Variants in SWT1 observed in about 807,000 individuals in gnomAD.
SWT1 encodes the protein SWT1 RNA endoribonuclease homolog, also known as transcriptional protein SWT1.
Under a neutral mutation model 107.3 loss-of-function variants are expected in SWT1, and 33 were observed. That is an observed-to-expected ratio of 0.31 (90% confidence interval 0.23 to 0.41). SWT1 has a LOEUF of 0.41. Ranked by LOEUF, SWT1 falls within the 10% of genes least tolerant of loss-of-function variation. SWT1 has a pLI of 1.00. For missense variants in SWT1, 898 were observed against 1,028.9 expected (o/e 0.87, Z 1.74); for synonymous variants, 345 against 348.3 (o/e 0.99, Z 0.11).
chr1:185,237,200 G>T (rs746891860), intron 16 of SWT1, among the ~76,000 whole-genome samples: 37 of 151,972 alleles, frequency 2.4e-4, no homozygotes, highest in Admixed American at 7.2e-4. Context: ...CCCGTTCCTG[G>T]GTATATATCC....
chr1:185,288,636 G>GCTAGTGGTTCTCTCCAACACCATGAATA, intron 18 of SWT1, among the ~76,000 whole-genome samples: 1 of 152,222 alleles, frequency 6.6e-6, no homozygotes, highest in East Asian at 1.9e-4. Context: ...AGCCAAGGAA[G>GCTAGTGGTTCTCTCCAACACCATGAATA]TAATGACAGT....
chr1:185,275,485 T>G (rs890126213), intron 17 of SWT1, among the ~76,000 whole-genome samples: 3 of 149,094 alleles, frequency 2.0e-5, no homozygotes, highest in Non-Finnish European at 3.0e-5. Flanking sequence ...ATACTAATTT[T>G]AAGCAATATA....
At chr1:185,157,463 G>T (rs1653697865) in intron 1 of SWT1, 149 bp downstream of exon 1, 1 of 152,672 alleles carries the variant, frequency 6.5e-6, no homozygotes, top group Non-Finnish European at 1.5e-5. Context: ...CGGGTCCGGG[G>T]ACGAGCCAGC....
Position 185,254,946 on chromosome 1 carries a change from G to T in SWT1, c.2442-16377G>T, listed in dbSNP as rs906172107. ...CTATAAAATTCCCTCTACACACTGC[G>T]TTGAATGCGTCCCAGAGATTCTGGT... On this transcript the variant is annotated intron_variant, in intron 16 of 18. Transcript: ENST00000367500. 2.1e-3 allele frequency among the ~76,000 whole-genome samples: 315 copies of T among 152,088 alleles called. 2 individuals are homozygous for T. The highest frequency in any genetic ancestry group is 7.3e-3 in the African/African-American group (301 of 41,504).
At chr1:185,157,637 C>T (rs1653731279) in intron 1 of SWT1, 3 of 152,340 alleles carry the variant, frequency 2.0e-5, no homozygotes, top group East Asian at 1.9e-4. Context: ...GTCTGTTCTT[C>T]ATTTCGCACC....
At chr1:185,226,732 C>CTTT (rs35307844) in intron 15 of SWT1, 17 of 377,228 alleles carry the variant, frequency 4.5e-5, no homozygotes, top group South Asian at 1.9e-4. Flanking sequence ...GCTTCTGAGA[C>CTTT]TTTTTTTTTT....
At chr1:185,269,146 C>T (rs1663646558) in intron 16 of SWT1, among the ~76,000 whole-genome samples, 1 of 152,188 alleles carries the variant, frequency 6.6e-6, no homozygotes, top group African/African-American at 2.4e-5. Context: ...GCCACCGCGC[C>T]TGGCCTGATA....
chr1:185,233,735 T>TTTTA lies in SWT1; in HGVS notation c.2441+2047_2441+2050dup, dbSNP rs543564747. ...GTTTTACTTCGAATTATGTGGTCAA[T>TTTTA]TTTATTTATTTATTTATTTATTTTT... On this transcript the variant is annotated intron_variant, in intron 16 of 18. Coordinates refer to ENST00000367500, the MANE Select transcript of SWT1 (RefSeq NM_017673.7). 6.5e-4 allele frequency among the ~76,000 whole-genome samples: 99 copies of TTTTA among 152,168 alleles called. No homozygotes were observed. The East Asian group carries it at 0.013, about 20-fold the overall frequency.
chr1:185,242,816 A>T (rs1055038497), intron 16 of SWT1, among the ~76,000 whole-genome samples: 1 of 152,200 alleles, frequency 6.6e-6, no homozygotes, highest in Non-Finnish European at 1.5e-5. Flanking sequence ...ATATTTAATT[A>T]AAATTCCTTG....
intron 14 of SWT1, among the ~76,000 whole-genome samples, chr1:185,219,477 A>AT (rs1199253987): frequency 1.3e-5 from 2 of 152,214 alleles, no homozygotes; most frequent in African/African-American, 4.8e-5. Context: ...ATTTAAAAAA[A>AT]TTTTAATATG....
chr1:185,175,293 C>T (rs765709267), intron 5 of SWT1, among the ~76,000 whole-genome samples, 180 bp downstream of exon 5: 30 of 151,246 alleles, frequency 2.0e-4, no homozygotes, highest in Non-Finnish European at 1.3e-4. Flanking sequence ...GTGGCACGAT[C>T]CTGGCTCACT....
chr1:185,199,121 A>G (rs1474712407), intron 10 of SWT1, among the ~76,000 whole-genome samples: 2 of 151,930 alleles, frequency 1.3e-5, no homozygotes, highest in South Asian at 2.1e-4. Flanking sequence ...TATTTTTAGT[A>G]GAGACGGTAT....
chr1:185,163,379 C>T (rs1242900208), intron 2 of SWT1, among the ~76,000 whole-genome samples: 2 of 151,412 alleles, frequency 1.3e-5, no homozygotes, highest in Admixed American at 6.6e-5. Context: ...GAAGCAACTC[C>T]TAATCCATGA....
intron 15 of SWT1, among the ~76,000 whole-genome samples, chr1:185,223,164 A>C (rs140952733): frequency 1.3e-5 from 2 of 152,234 alleles, no homozygotes; most frequent in African/African-American, 4.8e-5. Context: ...TACAAATCTC[A>C]CTAACAGTGT....
chr1:185,276,828 AG>A (rs1340747822), intron 18 of SWT1, among the ~76,000 whole-genome samples, 160 bp downstream of exon 18: 1 of 152,040 alleles, frequency 6.6e-6, no homozygotes, highest in Non-Finnish European at 1.5e-5. Flanking sequence ...ATATACAAAA[AG>A]GTCATGTGTT....
At chr1:185,222,850 C>T (rs1659771748) in intron 15 of SWT1, among the ~76,000 whole-genome samples, 1 of 151,954 alleles carries the variant, frequency 6.6e-6, no homozygotes, top group Non-Finnish European at 1.5e-5. Flanking sequence ...CATAGTCACC[C>T]TACTATGCAA....
chr1:185,177,560 T>G (rs1020071584), intron 5 of SWT1, among the ~76,000 whole-genome samples: 4 of 152,010 alleles, frequency 2.6e-5, no homozygotes, highest in African/African-American at 9.7e-5. Flanking sequence ...TTGTGTATAT[T>G]ATCTTCAGCA....
At position 185,206,657 on chromosome 1, in the gene SWT1, A is replaced by G. The variant is rs1185650332; in HGVS notation, c.1866A>G (p.Leu622=). 1 of 1,604,548 alleles carries G rather than the reference A, an allele frequency of 6.2e-7. No individual in the cohort carries two copies. The highest frequency in any genetic ancestry group is 1.3e-5 in the African/African-American group (1 of 74,564). The change falls in exon 13 of 19, where the codon CTA becomes CTG. Residue 622 remains leucine (L), a synonymous_variant. Transcript: ENST00000367500. The stretch of plus-strand genomic sequence containing the variant: ...ACCTGAAACCACCATGGACTCTACT[A>G]CATTTACTACAGTGCTTTAAAAAAC... ...ILYLKPPWTL[L]HLLQCFKKHW...
chr1:185,201,285 C>T (rs567931804), intron 10 of SWT1, among the ~76,000 whole-genome samples: 13 of 152,114 alleles, frequency 8.5e-5, no homozygotes, highest in African/African-American at 2.2e-4. Context: ...GGTGTTCAGG[C>T]GCCACTGGGA....
Sources: gnomAD v4.1 joint callset for allele counts (sites outside exome capture counted in the v4.1 genomes callset) on GRCh38, gnomAD v4.1.1 for gene constraint, MANE v1.5 for transcripts, NCBI Gene and HGNC (gene_info 2026-07-23, HGNC 2026-07-21) for gene names.